Variants in GRIN1 observed in about 807,000 individuals in gnomAD.
The protein encoded by GRIN1 is glutamate ionotropic receptor NMDA type subunit 1.
In GRIN1, 38 loss-of-function variants were observed where a neutral mutation model predicts 103.0. The ratio of observed to expected loss-of-function variants is 0.37; its 90% confidence interval spans 0.28 to 0.48. The LOEUF is 0.48. Ranked by LOEUF, GRIN1 falls within the 20% of genes least tolerant of loss-of-function variation. The pLI is 0.98. For missense variants in GRIN1, 577 were observed against 1,288.9 expected (o/e 0.45, Z 8.46); for synonymous variants, 544 against 532.7 (o/e 1.02, Z -0.29).
At position 137,139,948 on chromosome 9, in the gene GRIN1, T is replaced by A. The variant is rs76135674; in HGVS notation, c.258+204T>A. 0.012 allele frequency among the ~76,000 whole-genome samples: 1,844 copies of A among 152,312 alleles called. 36 individuals are homozygous for A. Among genetic ancestry groups the A allele is most frequent in the African/African-American group, 0.042 (1,734 of 41,566 alleles). On this transcript the variant is annotated intron_variant, in intron 1 of 19. Coordinates refer to ENST00000371561, the MANE Select transcript of GRIN1 (RefSeq NM_007327.4). The surrounding 1 kb of genome is among the most constrained non-coding windows in gnomAD (Gnocchi z 7.7). ...CTCCCCTATCTTGGCCTGAGACCAG[T>A]CACCTGCCACCTTGGCTGGTCCTCA...
intron 3 of GRIN1, 71 bp downstream of exon 3, chr9:137,145,973 C>A: frequency 8.7e-7 from 1 of 1,146,106 alleles, no homozygotes; most frequent in Non-Finnish European, 1.3e-6. Flanking sequence ...GTGTCTGTGG[C>A]TCCGTGTGTG....
chr9:137,147,121 G>A (rs1331005928), intron 3 of GRIN1, among the ~76,000 whole-genome samples: 1 of 143,630 alleles, frequency 7.0e-6, no homozygotes, highest in Non-Finnish European at 1.5e-5. Flanking sequence ...CACGGCCACG[G>A]ACTCCCATCA....
Position 137,167,672 on chromosome 9 carries a change from G to A in GRIN1, c.*145G>A. On this transcript the variant is annotated 3_prime_UTR_variant, in exon 20 of 20. Coordinates refer to ENST00000371561, the MANE Select transcript of GRIN1 (RefSeq NM_007327.4). ...AGCCTCCCCCAGGCTGCGCCTGCCC[G>A]CCCGCCGGTTGGCCGGCTGGCCGGT... The A allele has an allele frequency of 6.5e-7, 1 of 1,537,480 alleles. No homozygotes were observed. The highest frequency in any genetic ancestry group is 8.7e-7 in the Non-Finnish European group (1 of 1,143,046).
chr9:137,161,729 G>A (rs1464330966), intron 10 of GRIN1, among the ~76,000 whole-genome samples, 195 bp from the exon 11 acceptor site: 1 of 147,716 alleles, frequency 6.8e-6, no homozygotes, highest in Non-Finnish European at 1.5e-5. Flanking sequence ...GGGCCTGCTG[G>A]CTGTGGTGGG....
rs1345059448 is a variant in GRIN1 at position 137,139,678 on chromosome 9, C to T, written c.192C>T (p.Ser64=). The change falls in exon 1 of 20, where the codon TCC becomes TCT. Residue 64 remains serine, a synonymous_variant. Coordinates refer to ENST00000371561, the MANE Select transcript of GRIN1 (RefSeq NM_007327.4). The surrounding 1 kb of genome is among the most constrained non-coding windows in gnomAD (Gnocchi z 7.7). ...GGAAGATTCAGCTCAATGCCACCTC[C>T]GTCACGCACAAGCCCAACGCCATCC... The part of the protein sequence containing the change: ...GSWKIQLNAT[S]VTHKPNAIQM... 1.9e-6 allele frequency: 3 copies of T among 1,613,750 alleles called. No individual in the cohort carries two copies. Among genetic ancestry groups the T allele is most frequent in the Non-Finnish European group, 1.7e-6 (2 of 1,179,868 alleles).
In GRIN1 at chr9:137,146,874, G is replaced by A; in HGVS notation, c.570+972G>A. Among the ~76,000 whole-genome samples, 1 of 152,124 alleles carries A rather than the reference G, an allele frequency of 6.6e-6. No homozygotes were observed. Among genetic ancestry groups the A allele is most frequent in the East Asian group, 1.9e-4 (1 of 5,182 alleles). Reference sequence around the variant, plus strand: ...GGCCCCGGGAGGGACCAGAGGGCATGGGTCGGGGGTAAAGCCAGGGGCAGA... The same window carrying A: ...GGCCCCGGGAGGGACCAGAGGGCATAGGTCGGGGGTAAAGCCAGGGGCAGA... On this transcript the variant is annotated intron_variant, in intron 3 of 19. Coordinates refer to ENST00000371561, the MANE Select transcript of GRIN1 (RefSeq NM_007327.4). The surrounding 1 kb of genome is among the most constrained non-coding windows in gnomAD (Gnocchi z 6.7).
At position 137,167,725 on chromosome 9, in the gene GRIN1, C is replaced by A; in HGVS notation, c.*198C>A. On this transcript the variant is annotated 3_prime_UTR_variant, in exon 20 of 20. Transcript: ENST00000371561. Reference sequence around the variant, plus strand: ...ACCCCGTCCCGGCCCCGCGCGTGCCCCCAGCGTGGGGCTAACGGGCGCCTT... The same window carrying A: ...ACCCCGTCCCGGCCCCGCGCGTGCCACCAGCGTGGGGCTAACGGGCGCCTT... 6.2e-7 allele frequency: 1 copy of A among 1,609,742 alleles called. No homozygotes were observed. Among genetic ancestry groups the A allele is most frequent in the South Asian group, 1.1e-5 (1 of 90,964 alleles).
chr9:137,155,005 G>C (rs1310842184), intron 4 of GRIN1, among the ~76,000 whole-genome samples: 2 of 152,228 alleles, frequency 1.3e-5, no homozygotes, highest in Non-Finnish European at 2.9e-5. Context: ...GTTTTGCAGA[G>C]AGACATGACG....
At position 137,142,242 on chromosome 9, in the gene GRIN1, C is replaced by T. The variant is rs531792589; in HGVS notation, c.393+95C>T. On this transcript the variant is annotated intron_variant, in intron 2 of 19. Transcript: ENST00000371561. ...AGCGGGCCGACCCGCTCACATGGAA[C>T]TCACACACCACAAACAGCCACACAG... 4.7e-6 allele frequency: 6 copies of T among 1,267,206 alleles called. No homozygotes were observed. The African/African-American group carries it at 7.3e-5, about 15-fold the overall frequency. 78.5% of individuals were successfully genotyped at this position (1,267,206 alleles called of 1,614,324 possible).
At chr9:137,145,611 G>A (rs1832481091) in intron 2 of GRIN1, 115 bp from the exon 3 acceptor site, 1 of 781,830 alleles carries the variant, frequency 1.3e-6, no homozygotes, top group Non-Finnish European at 2.1e-6. Flanking sequence ...GGTGGGGACA[G>A]GGGTGGGAGG....
chr9:137,157,538 T>C (rs954145060), intron 6 of GRIN1, among the ~76,000 whole-genome samples: 2 of 152,136 alleles, frequency 1.3e-5, no homozygotes, highest in African/African-American at 2.4e-5. Flanking sequence ...AGGAGGCTCT[T>C]GATGCAGATG....
chr9:137,142,262 A>G, intron 2 of GRIN1, 115 bp downstream of exon 2: 1 of 1,012,428 alleles, frequency 9.9e-7, no homozygotes, highest in East Asian at 2.4e-5. Context: ...ACAAACAGCC[A>G]CACAGCTCCC....
intron 4 of GRIN1, among the ~76,000 whole-genome samples, chr9:137,155,970 T>C (rs1045133432): frequency 2.6e-5 from 4 of 152,100 alleles, no homozygotes; most frequent in Admixed American, 1.3e-4. Context: ...GATCCACCAA[T>C]ATCTCACCAA....
Position 137,167,973 on chromosome 9 carries a change from C to G in GRIN1, c.*446C>G, listed in dbSNP as rs1833968660. On this transcript the variant is annotated 3_prime_UTR_variant, in exon 20 of 20. Transcript: ENST00000371561. ...ACCCTGGGCCTCCCGTCCGTCCGCC[C>G]GCCCACCCCGCTGCCTGGCGGGCAG... 1 of 810,766 alleles carries G rather than the reference C, an allele frequency of 1.2e-6. No individual in the cohort carries two copies. The highest frequency in any genetic ancestry group is 2.0e-6 in the Non-Finnish European group (1 of 489,472). 50.2% of individuals were successfully genotyped at this position (810,766 alleles called of 1,614,324 possible). A position where few individuals can be genotyped will look rare whatever the true frequency, so the allele number is the denominator to read the frequency against.
At position 137,146,751 on chromosome 9, in the gene GRIN1, T is replaced by C. The variant is rs1191817719; in HGVS notation, c.570+849T>C. On this transcript the variant is annotated intron_variant, in intron 3 of 19. Transcript: ENST00000371561. The surrounding 1 kb of genome is among the most constrained non-coding windows in gnomAD (Gnocchi z 6.7). ...TCAAGCAGTGGGAGGAGGCCCAGGC[T>C]GAGGAGGGCCAGACCTATGGGTGGC... 6.6e-6 allele frequency among the ~76,000 whole-genome samples: 1 copy of C among 152,050 alleles called. No individual in the cohort carries two copies. Among genetic ancestry groups the C allele is most frequent in the Non-Finnish European group, 1.5e-5 (1 of 67,976 alleles).
At chr9:137,155,679 AG>A (rs1204367791) in intron 4 of GRIN1, among the ~76,000 whole-genome samples, 1 of 152,190 alleles carries the variant, frequency 6.6e-6, no homozygotes, top group East Asian at 1.9e-4. Context: ...GGGTGAGGGA[AG>A]ACCCCCCAAA....
In GRIN1 at chr9:137,162,348, G is replaced by T. The variant is rs535333130; in HGVS notation, c.1752-56G>T. 144 of 1,536,216 alleles carry T rather than the reference G, an allele frequency of 9.4e-5. 1 individual carries two copies. In the African/African-American group the frequency reaches 1.5e-3, roughly 16 times the overall value. ...CTGCGGGGCGCGGAGCCGGCCAGGG[G>T]CGGGGCAGGGCCGCCTCTCCCGCCC... On this transcript the variant is annotated intron_variant, in intron 12 of 19. Transcript: ENST00000371561.
rs1056257967 is a variant in GRIN1, at chr9:137,163,830, C to G, written c.2515C>G (p.Arg839Gly). The change falls in exon 18 of 20, where the codon CGG (arginine) becomes GGG (glycine). Residue 839 changes from arginine (R) to glycine (G), a missense_variant. Coordinates refer to ENST00000371561, the MANE Select transcript of GRIN1 (RefSeq NM_007327.4). ...GATTTTCATCGAGATTGCCTACAAG[C>G]GGCACAAGGATGCTCGCCGGAAGCA... ...FLIFIEIAYK[R>G]HKDARRKQMQ... 1 of 1,613,322 alleles carries G rather than the reference C, an allele frequency of 6.2e-7. No individual in the cohort carries two copies. The highest frequency in any genetic ancestry group is 8.5e-7 in the Non-Finnish European group (1 of 1,179,976).
chr9:137,159,278 T>G (rs1379336877), intron 8 of GRIN1, among the ~76,000 whole-genome samples: 1 of 151,740 alleles, frequency 6.6e-6, no homozygotes, highest in African/African-American at 2.4e-5. Flanking sequence ...CTACCCCCAC[T>G]CCACACACAC....
Sources: allele counts gnomAD v4.1 joint callset (sites outside exome capture counted in the v4.1 genomes callset), GRCh38; gene constraint gnomAD v4.1.1; non-coding constraint Gnocchi (gnomAD v3.1); transcripts MANE v1.5; gene names NCBI Gene and HGNC (gene_info 2026-07-23, HGNC 2026-07-21).